Variants in DNAH14 observed in about 807,000 individuals in gnomAD.
DNAH14 encodes the protein dynein axonemal heavy chain 14.
Under a neutral mutation model 520.9 loss-of-function variants are expected in DNAH14, and 478 were observed. The observed-to-expected ratio is 0.92, with a 90% confidence interval of 0.85 to 0.99. The LOEUF (loss-of-function observed/expected upper bound fraction) is 0.99. DNAH14 is among the 50% of genes least tolerant of loss of function. The pLI, the probability that DNAH14 is intolerant of heterozygous loss-of-function variation, is 0.00. For missense variants in DNAH14, 4,831 were observed against 5,234.5 expected, an observed-to-expected ratio of 0.92 and a Z score of 2.38; for synonymous variants, 1,581 against 1,757.2, an observed-to-expected ratio of 0.90 and a Z score of 2.51.
chr1:225,012,061 T>C (rs1272556047), intron 10 of DNAH14, among the ~76,000 whole-genome samples: 2 of 152,090 alleles, frequency 1.3e-5, no homozygotes, highest in African/African-American at 4.8e-5. Context: ...GTCTTTACAA[T>C]TTGGCATGTT....
intron 42 of DNAH14, among the ~76,000 whole-genome samples, chr1:225,239,639 A>G (rs2149626171): frequency 6.6e-6 from 1 of 152,268 alleles, no homozygotes; most frequent in Non-Finnish European, 1.5e-5. Context: ...TGGCCCCTTG[A>G]CAGACTTTTT....
intron 78 of DNAH14, among the ~76,000 whole-genome samples, chr1:225,376,932 T>C (rs1040301765): frequency 1.3e-5 from 2 of 151,942 alleles, no homozygotes; most frequent in African/African-American, 4.8e-5. Flanking sequence ...TTGCATTCAT[T>C]ATCTATGGGT....
chr1:225,059,428 A>G (rs867599221), intron 17 of DNAH14, among the ~76,000 whole-genome samples: 45 of 152,060 alleles, frequency 3.0e-4, no homozygotes, highest in African/African-American at 6.8e-4. Flanking sequence ...GTCTCTGCAC[A>G]TGAGATGGGT....
In DNAH14 at chr1:225,007,473, A is replaced by C. The variant is rs948672747; in HGVS notation, c.1036A>C (p.Thr346Pro). 2.6e-6 allele frequency: 4 copies of C among 1,542,320 alleles called. No homozygotes were observed. The highest frequency in any genetic ancestry group is 1.4e-5 in the African/African-American group (1 of 72,750). Residue 346 changes from threonine (T) to proline (P), a missense_variant, in exon 10 of 86, where the codon ACC (threonine) becomes CCC (proline). Thr to Pro is a conservative substitution (Grantham distance 38). Coordinates refer to ENST00000682510, the MANE Select transcript of DNAH14 (RefSeq NM_001367479.1). ...EFCEEQLQQA[T>P]QALKQLEDIR... Reference sequence around the variant, plus strand: ...TTGTGAAGAGCAGTTACAGCAAGCTACCCAGGCATTGAAACAACTTGAGGA... The same window carrying C: ...TTGTGAAGAGCAGTTACAGCAAGCTCCCCAGGCATTGAAACAACTTGAGGA...
At chr1:225,357,886 A>G (rs34993311) in intron 73 of DNAH14, 151,650 of 699,868 alleles carry the variant, frequency 0.22, 17,674 homozygotes, top group East Asian at 0.34. Flanking sequence ...TGATTTGTAT[A>G]AAACAGTTTT....
chr1:225,241,806 T>C (rs2091982521), intron 43 of DNAH14, among the ~76,000 whole-genome samples: 1 of 152,238 alleles, frequency 6.6e-6, no homozygotes, highest in South Asian at 2.1e-4. Context: ...GAATGGAACT[T>C]GCAGGACTGG....
chr1:225,152,921 T>G, intron 33 of DNAH14, 38 bp downstream of exon 33: 1 of 1,535,668 alleles, frequency 6.5e-7, no homozygotes, highest in Non-Finnish European at 8.8e-7. Flanking sequence ...TAAAGGTGAT[T>G]ATATAAAAAT....
intron 60 of DNAH14, among the ~76,000 whole-genome samples, chr1:225,310,986 T>C (rs2094352552): frequency 6.6e-6 from 1 of 152,190 alleles, no homozygotes; most frequent in Admixed American, 6.5e-5. Context: ...CTGGGTCAAA[T>C]GGTATTTCTG....
chr1:225,385,508 G>C (rs2095830619), intron 81 of DNAH14, among the ~76,000 whole-genome samples: 6 of 152,176 alleles, frequency 3.9e-5, no homozygotes, highest in Admixed American at 3.9e-4. Context: ...ATCTCCTTAA[G>C]CTGATAAGCA....
chr1:225,199,791 A>G (rs370908289), intron 38 of DNAH14, among the ~76,000 whole-genome samples: 17 of 152,162 alleles, frequency 1.1e-4, no homozygotes, highest in African/African-American at 4.1e-4. Context: ...CCATGCACTG[A>G]TGAATAGAAT....
intron 12 of DNAH14, 139 bp from the exon 13 acceptor site, chr1:225,042,695 GT>G: frequency 1.2e-6 from 1 of 855,980 alleles, no homozygotes; most frequent in South Asian, 2.0e-5. Flanking sequence ...ACATGCAAGT[GT>G]CAGGTATTTG....
At chr1:225,022,140 G>C (rs563410137) in intron 10 of DNAH14, among the ~76,000 whole-genome samples, 5 of 152,082 alleles carry the variant, frequency 3.3e-5, no homozygotes, top group African/African-American at 1.2e-4. Flanking sequence ...ACCTAAAACA[G>C]TACAAACCCT....
chr1:225,111,835 G>A (rs560391446), intron 23 of DNAH14, among the ~76,000 whole-genome samples: 1 of 151,932 alleles, frequency 6.6e-6, no homozygotes, highest in Non-Finnish European at 1.5e-5. Context: ...CATGAGGCTT[G>A]CAAATAATAT....
intron 8 of DNAH14, among the ~76,000 whole-genome samples, chr1:224,994,334 T>A (rs1170849055): frequency 2.6e-5 from 4 of 152,042 alleles, no homozygotes; most frequent in African/African-American, 9.7e-5. Flanking sequence ...TCTTTAATAT[T>A]TGCTTGATAT....
At chr1:225,027,900 G>A (rs1326080019) in intron 11 of DNAH14, among the ~76,000 whole-genome samples, 1 of 151,128 alleles carries the variant, frequency 6.6e-6, no homozygotes, top group African/African-American at 2.4e-5. Context: ...ATGACCGTAT[G>A]TCTTTTACTT....
At chr1:225,150,130 G>A (rs2149081603) in intron 31 of DNAH14, among the ~76,000 whole-genome samples, 1 of 152,240 alleles carries the variant, frequency 6.6e-6, no homozygotes, top group Non-Finnish European at 1.5e-5. Context: ...TATATCAAAA[G>A]CCTTTTCTGC....
intron 23 of DNAH14, among the ~76,000 whole-genome samples, chr1:225,102,186 C>G (rs1223665512): frequency 6.6e-6 from 1 of 151,846 alleles, no homozygotes; most frequent in Non-Finnish European, 1.5e-5. Context: ...TGATGGTTTC[C>G]AGCTTCATCC....
At chr1:225,067,697 T>C (rs1295162390) in intron 17 of DNAH14, among the ~76,000 whole-genome samples, 1 of 152,188 alleles carries the variant, frequency 6.6e-6, no homozygotes, top group African/African-American at 2.4e-5. Flanking sequence ...TGGTTTTGAT[T>C]TGCATTTCTC....
At chr1:225,248,250 T>C (rs1408703618) in intron 43 of DNAH14, among the ~76,000 whole-genome samples, 1 of 152,166 alleles carries the variant, frequency 6.6e-6, no homozygotes, top group Non-Finnish European at 1.5e-5. Context: ...GCAAGAAGAC[T>C]AATATACACA....
Sources: allele counts gnomAD v4.1 joint callset (sites outside exome capture counted in the v4.1 genomes callset), GRCh38; gene constraint gnomAD v4.1.1; transcripts MANE v1.5; gene names NCBI Gene and HGNC (gene_info 2026-07-23, HGNC 2026-07-21).